Variants in LRRK2 observed in about 807,000 individuals in gnomAD.
LRRK2 encodes leucine-rich repeat serine/threonine-protein kinase 2.
A neutral mutation model predicts 302.6 loss-of-function variants in LRRK2; 203 were observed. The ratio of observed to expected loss-of-function variants is 0.67; its 90% CI spans 0.60 to 0.75. The LOEUF is 0.75. Among genes scored for constraint, LRRK2 ranks in the 30% least tolerant of loss-of-function variants. LRRK2 has a pLI of 0.00. For synonymous variants in LRRK2, 1,066 were observed against 1,031.9 expected (o/e 1.03, Z -0.63); for missense variants, 2,830 against 2,951.0 (o/e 0.96, Z 0.95).
At chr12:40,323,915 G>A (rs376454483) in intron 38 of LRRK2, among the ~76,000 whole-genome samples, 1 of 151,806 alleles carries the variant, frequency 6.6e-6, no homozygotes, top group Middle Eastern at 3.4e-3. Context: ...ATGTTTAGGT[G>A]CTCATTGAGA....
chr12:40,300,194 T>C (rs1054475706), intron 25 of LRRK2, among the ~76,000 whole-genome samples: 1 of 152,218 alleles, frequency 6.6e-6, no homozygotes, highest in Non-Finnish European at 1.5e-5. Context: ...AGTTAATGTA[T>C]ATTCATTCAG....
Position 40,310,621 on chromosome 12 carries a change from C to G in LRRK2, c.4508C>G (p.Thr1503Ser). The G allele has an allele frequency of 6.2e-7, 1 of 1,612,278 alleles. No individual in the cohort carries two copies. Among genetic ancestry groups the G allele is most frequent in the Non-Finnish European group, 8.5e-7 (1 of 1,179,568 alleles). ...ESDALAKLRK[T>S]IINESLNFKI... ...GATGCTTTGGCAAAACTTCGGAAAACCATCATAAACGAGAGCCTTAATTTC... is the reference window on the plus strand; with the variant it reads ...GATGCTTTGGCAAAACTTCGGAAAAGCATCATAAACGAGAGCCTTAATTTC... Residue 1503 changes from threonine (T) to serine (S), a missense_variant, in exon 31 of 51, where the codon ACC (threonine) becomes AGC (serine). Around this residue, in one of 3 missense-constraint regions of LRRK2, gnomAD observed 2,121 missense variants for 2,148.0 expected, o/e 0.99. Coordinates refer to ENST00000298910, the MANE Select transcript of LRRK2 (RefSeq NM_198578.4).
At chr12:40,294,468 ATGAC>A (rs1274604078) in intron 21 of LRRK2, among the ~76,000 whole-genome samples, 1 of 152,102 alleles carries the variant, frequency 6.6e-6, no homozygotes, top group Non-Finnish European at 1.5e-5. Flanking sequence ...GGTGAAATGA[ATGAC>A]TGTAGTTGAA....
At chr12:40,320,725 T>A (rs1460629349) in intron 34 of LRRK2, among the ~76,000 whole-genome samples, 2 of 152,044 alleles carry the variant, frequency 1.3e-5, no homozygotes, top group African/African-American at 4.8e-5. Context: ...ACTTTTTTTC[T>A]AGGACATGTA....
intron 24 of LRRK2, 86 bp from the exon 25 acceptor site, chr12:40,299,023 C>G (rs1944518991): frequency 1.4e-6 from 2 of 1,400,142 alleles, no homozygotes; most frequent in African/African-American, 1.4e-5. Flanking sequence ...TGATGCTGTT[C>G]TTTGAAAGCA....
At chr12:40,232,685 A>G (rs1057383873) in intron 3 of LRRK2, 4 of 218,956 alleles carry the variant, frequency 1.8e-5, no homozygotes, top group South Asian at 9.5e-5. Context: ...TCAAACCATG[A>G]AGAGATTTTG....
chr12:40,256,049 T>C (rs1942485062), intron 11 of LRRK2, among the ~76,000 whole-genome samples: 1 of 152,198 alleles, frequency 6.6e-6, no homozygotes, highest in African/African-American at 2.4e-5. Context: ...AATCACAGTG[T>C]GTAATGTTGG....
At chr12:40,277,333 ATG>A (rs986346026) in intron 16 of LRRK2, among the ~76,000 whole-genome samples, 2 of 152,210 alleles carry the variant, frequency 1.3e-5, no homozygotes, top group Non-Finnish European at 2.9e-5. Context: ...TATTATTAGA[ATG>A]TAATCCTCAG....
At chr12:40,322,618 T>C in intron 37 of LRRK2, 108 bp downstream of exon 37, 1 of 963,062 alleles carries the variant, frequency 1.0e-6, no homozygotes, top group Non-Finnish European at 1.6e-6. Flanking sequence ...AGTTGAAAAA[T>C]AGTATATTCA....
At chr12:40,315,139 T>G in intron 32 of LRRK2, 73 bp from the exon 33 acceptor site, 1 of 1,245,590 alleles carries the variant, frequency 8.0e-7, no homozygotes, top group Non-Finnish European at 1.2e-6. Context: ...GAAGTTGGAC[T>G]AGATTTTTTC....
intron 43 of LRRK2, among the ~76,000 whole-genome samples, chr12:40,350,191 A>G (rs956346722): frequency 1.3e-5 from 2 of 152,212 alleles, no homozygotes; most frequent in African/African-American, 4.8e-5. Context: ...TTATAGGTAC[A>G]GTCCCTTTAC....
At chr12:40,295,795 CTT>C (rs1367224995) in intron 23 of LRRK2, 151 bp downstream of exon 23, 12 of 685,856 alleles carry the variant, frequency 1.7e-5, no homozygotes, top group Non-Finnish European at 3.0e-5. Context: ...GCACACATAT[CTT>C]AGTCTGTGTG....
chr12:40,353,997 T>TGGGGAGAGGGAGACGGAG (rs1946453539), intron 44 of LRRK2, among the ~76,000 whole-genome samples: 1 of 151,890 alleles, frequency 6.6e-6, no homozygotes, highest in Non-Finnish European at 1.5e-5. Flanking sequence ...AGGGAGACCA[T>TGGGGAGAGGGAGACGGAG]GGGGAGAGGG....
chr12:40,330,626 A>G (rs771059307), intron 39 of LRRK2, among the ~76,000 whole-genome samples: 2 of 152,154 alleles, frequency 1.3e-5, no homozygotes, highest in Non-Finnish European at 2.9e-5. Context: ...TTTATTGACA[A>G]CTACTATGTA....
rs201671072 is a variant in LRRK2 at position 40,367,849 on chromosome 12, G to A, written c.*84G>A. 57 of 1,387,186 alleles carry A rather than the reference G, an allele frequency of 4.1e-5. No individual in the cohort carries two copies. Among genetic ancestry groups the A allele is most frequent in the Non-Finnish European group, 5.4e-5 (55 of 1,023,922 alleles). The allele number at this position is 1,387,186 out of a possible 1,614,324, so 85.9% of individuals were successfully genotyped here. On this transcript the variant is annotated 3_prime_UTR_variant, in exon 51 of 51. Transcript: ENST00000298910. ...ATTTTAAAAATGTTCACATGGAAAG[G>A]GTACTCACATTTTTTGAAATAGCTC... is the stretch of plus-strand genomic sequence containing the variant.
At chr12:40,353,146 C>T (rs1036895327) in intron 44 of LRRK2, among the ~76,000 whole-genome samples, 21 of 151,578 alleles carry the variant, frequency 1.4e-4, no homozygotes, top group African/African-American at 3.6e-4. Context: ...ACTTCCCAGA[C>T]GGGGCGGCTG....
intron 3 of LRRK2, 32 bp from the exon 4 acceptor site, chr12:40,235,594 A>C (rs1015496609): frequency 1.4e-6 from 2 of 1,428,036 alleles, no homozygotes; most frequent in Non-Finnish European, 2.0e-6. Flanking sequence ...ATGATATTTC[A>C]TTCTTATCTT....
intron 24 of LRRK2, among the ~76,000 whole-genome samples, chr12:40,298,746 T>A (rs1236669938): frequency 8.6e-6 from 1 of 116,600 alleles, no homozygotes; most frequent in African/African-American, 3.2e-5. Flanking sequence ...CACTCCAGCC[T>A]GGGTGACAGA....
intron 12 of LRRK2, among the ~76,000 whole-genome samples, chr12:40,258,688 A>G (rs1942631682): frequency 6.6e-6 from 1 of 152,214 alleles, no homozygotes; most frequent in Non-Finnish European, 1.5e-5. Flanking sequence ...AGTAGTGTGT[A>G]AAAGACGCAA....
Sources: gnomAD v4.1 joint callset for allele counts (sites outside exome capture counted in the v4.1 genomes callset) on GRCh38, gnomAD v4.1.1 for gene constraint, gnomAD v4.1.1 regional missense constraint, MANE v1.5 for transcripts, NCBI Gene and HGNC (gene_info 2026-07-23, HGNC 2026-07-21) for gene names.